The following TNRC6A variants were observed in gnomAD, a reference collection of about 807,000 sequenced individuals.
TNRC6A encodes trinucleotide repeat containing adaptor 6A, also known as trinucleotide repeat-containing gene 6A protein.
TNRC6A carries 44 observed loss-of-function variants against 221.2 expected under a neutral mutation model. That is an observed-to-expected ratio of 0.20 (90% CI 0.16 to 0.26). The LOEUF (loss-of-function observed/expected upper bound fraction) is 0.26. TNRC6A is among the 10% of genes least tolerant of loss of function. The pLI is 1.00. For synonymous variants in TNRC6A, 847 were observed against 838.5 expected, an observed-to-expected ratio of 1.01 and a Z score of -0.18; for missense variants, 2,199 against 2,404.4, an observed-to-expected ratio of 0.91 and a Z score of 1.79.
intron 2 of TNRC6A, among the ~76,000 whole-genome samples, chr16:24,682,482 C>T (rs969894649): frequency 6.6e-6 from 1 of 151,502 alleles, no homozygotes; most frequent in Non-Finnish European, 1.5e-5. Flanking sequence ...CCTGCCTCGG[C>T]CTCCCTAAGT....
intron 18 of TNRC6A, 114 bp downstream of exon 18, chr16:24,809,595 ACTTTT>A: frequency 7.9e-7 from 1 of 1,266,068 alleles, no homozygotes; most frequent in Non-Finnish European, 1.0e-6. Context: ...TTATCTTAGA[ACTTTT>A]CCTCATTTAA....
chr16:24,784,620 C>T (rs974324003), intron 5 of TNRC6A, among the ~76,000 whole-genome samples: 3 of 152,160 alleles, frequency 2.0e-5, no homozygotes, highest in Non-Finnish European at 4.4e-5. Context: ...GAATGCCAAA[C>T]GAATTTTTTT....
chr16:24,647,224 G>A (rs1005667835), intron 2 of TNRC6A, among the ~76,000 whole-genome samples: 6 of 151,972 alleles, frequency 3.9e-5, no homozygotes, highest in Non-Finnish European at 8.8e-5. Flanking sequence ...GAGCCACCAC[G>A]CCAGCCTAAA....
chr16:24,637,157 C>T lies in TNRC6A; in HGVS notation n.277-3727C>T, dbSNP rs118066011. The stretch of plus-strand genomic sequence containing the variant: ...AGGTGATCCTCCCGTCTCAGCCTCC[C>T]TAGTAGCTGGGACTTCAGGTGCATA... On this transcript the variant is annotated intron_variant and non_coding_transcript_variant, in intron 1 of 2. Transcript: ENST00000566108. Among the ~76,000 whole-genome samples, 484 of 152,274 alleles carry T rather than the reference C, an allele frequency of 3.2e-3. 1 individual carries two copies. Among genetic ancestry groups the T allele is most frequent in the Non-Finnish European group, 5.8e-3 (394 of 68,028 alleles).
At chr16:24,702,149 G>A (rs1230646954) in intron 2 of TNRC6A, among the ~76,000 whole-genome samples, 1 of 119,152 alleles carries the variant, frequency 8.4e-6, no homozygotes, top group East Asian at 2.3e-4. Flanking sequence ...CATTTCGCGT[G>A]TAAACTCTTT....
intron 2 of TNRC6A, among the ~76,000 whole-genome samples, chr16:24,748,895 AAC>A (rs752479941): frequency 6.6e-6 from 1 of 151,682 alleles, no homozygotes. Flanking sequence ...TTTTTTTTGA[AAC>A]AGAGTCTTGC....
At chr16:24,791,953 G>A in intron 6 of TNRC6A, 136 bp downstream of exon 6, 1 of 953,304 alleles carries the variant, frequency 1.0e-6, no homozygotes, top group Non-Finnish European at 1.5e-6. Context: ...AAATTATAGG[G>A]GTGATGTTTA....
chr16:24,686,903 C>T (rs2055638692), intron 2 of TNRC6A, among the ~76,000 whole-genome samples: 1 of 152,158 alleles, frequency 6.6e-6, no homozygotes, highest in Non-Finnish European at 1.5e-5. Context: ...ATGGCACCTA[C>T]TTGGATGGTT....
chr16:24,807,020 T>G (rs1482200907), intron 17 of TNRC6A, among the ~76,000 whole-genome samples: 1 of 151,788 alleles, frequency 6.6e-6, no homozygotes, highest in Non-Finnish European at 1.5e-5. Context: ...TTTTTTTTTT[T>G]TTTAGGACAG....
rs977093920 is a variant in TNRC6A at position 24,823,305 on chromosome 16, G to A, written c.5514-127G>A. 1.7e-6 allele frequency: 2 copies of A among 1,195,406 alleles called. No homozygotes were observed. The highest frequency in any genetic ancestry group is 2.3e-6 in the Non-Finnish European group (2 of 855,322). The allele number at this position is 1,195,406 out of a possible 1,614,324, so 74.0% of individuals were successfully genotyped here. On this transcript the variant is annotated intron_variant, in intron 24 of 24. Coordinates refer to ENST00000395799, the MANE Select transcript of TNRC6A (RefSeq NM_014494.4). The surrounding 1 kb of genome is among the most constrained non-coding windows in gnomAD (Gnocchi z 4.3). Reference sequence around the variant, plus strand: ...TGAAGGGAGGGCACGCAGGTTATGTGGTGTAGTCTCTCCCTCTGTGCCTTC... The same window carrying A: ...TGAAGGGAGGGCACGCAGGTTATGTAGTGTAGTCTCTCCCTCTGTGCCTTC...
intron 1 of TNRC6A, among the ~76,000 whole-genome samples, chr16:24,638,346 A>C (rs1901747973): frequency 6.6e-6 from 1 of 152,102 alleles, no homozygotes; most frequent in East Asian, 1.9e-4. Flanking sequence ...TGAACCTGGG[A>C]GGTTCTTTTG....
chr16:24,812,345 C>T (rs897377510), intron 18 of TNRC6A, among the ~76,000 whole-genome samples: 2 of 152,078 alleles, frequency 1.3e-5, no homozygotes, highest in Non-Finnish European at 2.9e-5. Flanking sequence ...AGCCACCAGG[C>T]CCAGCCCGGA....
intron 4 of TNRC6A, 88 bp downstream of exon 4, chr16:24,758,448 G>T: frequency 7.3e-7 from 1 of 1,372,600 alleles, no homozygotes. Flanking sequence ...GGATGGGAGA[G>T]AGAAGAGCAT....
intron 3 of TNRC6A, among the ~76,000 whole-genome samples, chr16:24,755,655 T>C (rs1361611960): frequency 6.6e-6 from 1 of 152,160 alleles, no homozygotes; most frequent in Non-Finnish European, 1.5e-5. Context: ...CTTAACGAAG[T>C]GTGCTTCAGG....
chr16:24,753,280 A>G (rs574676308), intron 3 of TNRC6A, among the ~76,000 whole-genome samples: 6 of 152,332 alleles, frequency 3.9e-5, no homozygotes, highest in African/African-American at 1.2e-4. Context: ...TAGAACCATC[A>G]TCAGAAGCTT....
chr16:24,774,595 A>T (rs534519433), intron 4 of TNRC6A, among the ~76,000 whole-genome samples: 6 of 152,324 alleles, frequency 3.9e-5, no homozygotes, highest in Admixed American at 3.9e-4. Context: ...TTAGATTTTT[A>T]AAGTAATGAA....
At chr16:24,763,391 A>G (rs752677960) in intron 4 of TNRC6A, among the ~76,000 whole-genome samples, 1 of 152,190 alleles carries the variant, frequency 6.6e-6, no homozygotes, top group Non-Finnish European at 1.5e-5. Context: ...TGTTAAAATC[A>G]TAGCACACAG....
At chr16:24,649,816 CTTTTTTT>C (rs35308503) in intron 2 of TNRC6A, among the ~76,000 whole-genome samples, 30 of 78,918 alleles carry the variant, frequency 3.8e-4, no homozygotes, top group East Asian at 3.5e-3. Flanking sequence ...CTCTCTCTCT[CTTTTTTT>C]TTTTTTTTTT....
chr16:24,820,077 T>G, intron 21 of TNRC6A, 62 bp from the exon 22 acceptor site: 1 of 1,472,672 alleles, frequency 6.8e-7, no homozygotes, highest in East Asian at 2.3e-5. Flanking sequence ...ATGTCATTAT[T>G]TAAATTTCCT....
Sources: allele counts gnomAD v4.1 joint callset (sites outside exome capture counted in the v4.1 genomes callset), GRCh38; gene constraint gnomAD v4.1.1; non-coding constraint Gnocchi (gnomAD v3.1); transcripts MANE v1.5; gene names NCBI Gene and HGNC (gene_info 2026-07-23, HGNC 2026-07-21).